MGARP: variants seen among roughly 807,000 people sequenced by gnomAD.
The protein encoded by MGARP is mitochondria localized glutamic acid rich protein, also known as protein MGARP.
MGARP carries 12 observed loss-of-function variants against 11.0 expected under a neutral mutation model. The ratio of observed to expected loss-of-function variants is 1.09; its 90% confidence interval spans 0.70 to 1.77. The LOEUF is 1.77. MGARP is among the 40% of genes most tolerant of loss of function. The pLI, the probability that MGARP is intolerant of heterozygous loss-of-function variation, is 0.00. For synonymous variants in MGARP, 110 were observed against 115.4 expected (o/e 0.95, Z 0.30); for missense variants, 283 against 297.8 (o/e 0.95, Z 0.36).
chr4:139,273,628 C>T (rs535829423), intron 2 of MGARP, among the ~76,000 whole-genome samples: 14 of 151,376 alleles, frequency 9.2e-5, no homozygotes, highest in Non-Finnish European at 1.9e-4. Context: ...GATTCTCCTG[C>T]CTCAGCCTCC....
At position 139,273,519 on chromosome 4, in the gene MGARP, T is replaced by C. The variant is rs141624620; in HGVS notation, c.186+1770A>G. 5.1e-4 allele frequency among the ~76,000 whole-genome samples: 75 copies of C among 147,336 alleles called. 1 individual carries two copies. Among genetic ancestry groups the C allele is most frequent in the Non-Finnish European group, 7.1e-4 (47 of 66,426 alleles). Reference sequence around the variant, plus strand: ...CCGCATTACTTTTATTCTTTTTTTTTTTTTTTTTTTTTTGAGACAGAGTCT... The same window carrying C: ...CCGCATTACTTTTATTCTTTTTTTTCTTTTTTTTTTTTTGAGACAGAGTCT... On this transcript the variant is annotated intron_variant, in intron 2 of 3. Coordinates refer to ENST00000398955, the MANE Select transcript of MGARP (RefSeq NM_032623.4).
At chr4:139,273,427 T>G (rs2110732074) in intron 2 of MGARP, among the ~76,000 whole-genome samples, 1 of 151,936 alleles carries the variant, frequency 6.6e-6, no homozygotes, top group South Asian at 2.1e-4. Context: ...CTCACTGTGT[T>G]CCCCAGACTG....
At chr4:139,272,975 C>T (rs796571827) in intron 2 of MGARP, among the ~76,000 whole-genome samples, 3 of 152,036 alleles carry the variant, frequency 2.0e-5, no homozygotes, top group Non-Finnish European at 4.4e-5. Context: ...TGTGAGCCAC[C>T]GGCCCGGCTT....
chr4:139,270,800 T>C (rs1744769051), intron 2 of MGARP, among the ~76,000 whole-genome samples: 1 of 152,074 alleles, frequency 6.6e-6, no homozygotes, highest in Admixed American at 6.6e-5. Flanking sequence ...AGGAATATTT[T>C]CCGAGTAGGG....
At chr4:139,280,021 C>T (rs1744933223) in intron 1 of MGARP, 56 bp downstream of exon 1, 1 of 1,585,820 alleles carries the variant, frequency 6.3e-7, no homozygotes, top group South Asian at 1.1e-5. Flanking sequence ...CTGGCGCGGG[C>T]GAAATCTGCA....
intron 1 of MGARP, among the ~76,000 whole-genome samples, chr4:139,277,219 G>T (rs1366063987): frequency 1.3e-5 from 2 of 152,204 alleles, no homozygotes; most frequent in African/African-American, 4.8e-5. Context: ...GCAGGGACTA[G>T]TGGAAAGCTA....
intron 3 of MGARP, 127 bp downstream of exon 3, chr4:139,268,545 C>T (rs1008445024): frequency 9.8e-6 from 6 of 614,370 alleles, no homozygotes; most frequent in African/African-American, 5.5e-5. Flanking sequence ...TGAACTTATA[C>T]CTAGAGTCAT....
chr4:139,278,316 A>G (rs1486839235), intron 1 of MGARP, among the ~76,000 whole-genome samples: 1 of 152,228 alleles, frequency 6.6e-6, no homozygotes, highest in Non-Finnish European at 1.5e-5. Flanking sequence ...AATAAAACTG[A>G]AAAAAATTAT....
rs1744935507 is a variant in MGARP at position 139,280,094 on chromosome 4, G to T, written c.65C>A (p.Ala22Glu). 3 of 1,612,236 alleles carry T rather than the reference G, an allele frequency of 1.9e-6. No individual in the cohort carries two copies. Among genetic ancestry groups the T allele is most frequent in the South Asian group, 2.2e-5 (2 of 91,064 alleles). ...ALPLRAPPNPAPLGKDASLRR... is the reference protein window; with the variant it reads ...ALPLRAPPNPEPLGKDASLRR... ...TTACTCACCGTCCTTTCCGAGCGGCGCGGGGTTGGGGGGCGCCCTCAGCGG... is the reference window on the plus strand; with the variant it reads ...TTACTCACCGTCCTTTCCGAGCGGCTCGGGGTTGGGGGGCGCCCTCAGCGG... Residue 22 changes from alanine (A) to glutamate (E), a missense_variant, in exon 1 of 4, where the codon GCG (alanine) becomes GAG (glutamate). Physicochemically the swap from Ala to Glu is moderately radical, Grantham distance 107. Coordinates refer to ENST00000398955, the MANE Select transcript of MGARP (RefSeq NM_032623.4).
At chr4:139,278,720 G>T (rs1435049244) in intron 1 of MGARP, among the ~76,000 whole-genome samples, 4 of 152,094 alleles carry the variant, frequency 2.6e-5, no homozygotes, top group African/African-American at 4.8e-5. Context: ...GTTATCTTCC[G>T]AAGTTTAAAA....
Position 139,266,579 on chromosome 4 carries a change from A to G in MGARP, c.*20T>C. On this transcript the variant is annotated 3_prime_UTR_variant, in exon 4 of 4. Coordinates refer to ENST00000398955, the MANE Select transcript of MGARP (RefSeq NM_032623.4). ...AGACACCCTATGGCATTTGTTGCTG[A>G]AATGTCTACCGGCTGGAGATTAGCC... 6.2e-7 allele frequency: 1 copy of G among 1,601,774 alleles called. No individual in the cohort carries two copies. Among genetic ancestry groups the G allele is most frequent in the Non-Finnish European group, 8.5e-7 (1 of 1,173,876 alleles).
chr4:139,268,942 T>C (rs1233267925), intron 2 of MGARP, among the ~76,000 whole-genome samples, 177 bp from the exon 3 acceptor site: 1 of 152,204 alleles, frequency 6.6e-6, no homozygotes, highest in Non-Finnish European at 1.5e-5. Flanking sequence ...CTTTTGGAAA[T>C]CTTTGTTATT....
At chr4:139,268,822 C>A in intron 2 of MGARP, 57 bp from the exon 3 acceptor site, 1 of 1,300,752 alleles carries the variant, frequency 7.7e-7, no homozygotes. Context: ...TGTCACGCCA[C>A]ATCCAAAGGT....
At chr4:139,276,261 G>A (rs561461655) in intron 1 of MGARP, among the ~76,000 whole-genome samples, 5 of 152,218 alleles carry the variant, frequency 3.3e-5, no homozygotes, top group South Asian at 2.1e-4. Context: ...GAATATAACC[G>A]TGAACAAGAC....
intron 1 of MGARP, 82 bp downstream of exon 1, chr4:139,279,995 G>T: frequency 2.6e-5 from 38 of 1,474,352 alleles, no homozygotes; most frequent in Non-Finnish European, 3.3e-5. Context: ...TGGCCAACTG[G>T]GTGCCGGCCG....
intron 2 of MGARP, among the ~76,000 whole-genome samples, chr4:139,269,364 C>T (rs1341012203): frequency 6.6e-6 from 1 of 152,052 alleles, no homozygotes; most frequent in Non-Finnish European, 1.5e-5. Flanking sequence ...TGCGGTGGCT[C>T]ATGCCTGTAA....
At chr4:139,272,105 A>G (rs1033513129) in intron 2 of MGARP, among the ~76,000 whole-genome samples, 3 of 150,664 alleles carry the variant, frequency 2.0e-5, no homozygotes, top group African/African-American at 4.9e-5. Context: ...GGTTTGAGCC[A>G]TGAATTCAAC....
chr4:139,279,276 G>C (rs1030123114), intron 1 of MGARP, among the ~76,000 whole-genome samples: 4 of 152,168 alleles, frequency 2.6e-5, no homozygotes, highest in East Asian at 1.9e-4. Flanking sequence ...TATACGAAGC[G>C]CTTTCCTATA....
intron 1 of MGARP, among the ~76,000 whole-genome samples, chr4:139,276,010 AG>A (rs1372395232): frequency 6.6e-6 from 1 of 152,200 alleles, no homozygotes; most frequent in Admixed American, 6.5e-5. Context: ...ATAAACTAAT[AG>A]AAACAGATAA....
Sources: gnomAD v4.1 joint callset for allele counts (sites outside exome capture counted in the v4.1 genomes callset) on GRCh38, gnomAD v4.1.1 for gene constraint, MANE v1.5 for transcripts, NCBI Gene and HGNC (gene_info 2026-07-23, HGNC 2026-07-21) for gene names.